INTS6: variants seen among roughly 807,000 people sequenced by gnomAD.
INTS6 encodes the protein integrator complex subunit 6.
A neutral mutation model predicts 104.9 loss-of-function variants in INTS6; 16 were observed. That is an observed-to-expected ratio of 0.15 (90% CI 0.10 to 0.23). INTS6 has a LOEUF of 0.23. Ranked by LOEUF, INTS6 falls within the 10% of genes least tolerant of loss-of-function variation. INTS6 has a pLI of 1.00. For missense variants in INTS6, 584 were observed against 1,062.8 expected, an observed-to-expected ratio of 0.55 and a Z score of 6.26; for synonymous variants, 324 against 358.7, an observed-to-expected ratio of 0.90 and a Z score of 1.09.
At chr13:51,450,583 T>C (rs1953018677) in intron 3 of INTS6, 11 of 985,672 alleles carry the variant, frequency 1.1e-5, no homozygotes, top group Non-Finnish European at 1.2e-5. Context: ...AGAATAGTTA[T>C]ACAACATGGT....
At chr13:51,407,459 A>G (rs1956590357) in intron 4 of INTS6, among the ~76,000 whole-genome samples, 1 of 152,336 alleles carries the variant, frequency 6.6e-6, no homozygotes, top group Non-Finnish European at 1.5e-5. Flanking sequence ...AAGACAAGCT[A>G]GAAAGCTAAC....
chr13:51,361,664 C>G lies in INTS6; in HGVS notation c.*4088G>C. Reference sequence around the variant, plus strand: ...ATGGCATCTTTTCTCTTTAATTTTCCCATCTGCACCCCCATCACAACAGTA... The same window carrying G: ...ATGGCATCTTTTCTCTTTAATTTTCGCATCTGCACCCCCATCACAACAGTA... On this transcript the variant is annotated 3_prime_UTR_variant, in exon 18 of 18. Transcript: ENST00000311234. The G allele has an allele frequency of 1.5e-6, 1 of 679,800 alleles. No individual in the cohort carries two copies. Among genetic ancestry groups the G allele is most frequent in the Non-Finnish European group, 2.4e-6 (1 of 419,370 alleles). 42.1% of individuals were successfully genotyped at this position (679,800 alleles called of 1,614,324 possible).
At chr13:51,450,583 TACA>T in intron 3 of INTS6, 16 of 985,672 alleles carry the variant, frequency 1.6e-5, no homozygotes, top group Non-Finnish European at 1.9e-5. Flanking sequence ...AGAATAGTTA[TACA>T]ACATGGTCAC....
At chr13:51,389,002 A>G (rs926222865) in intron 6 of INTS6, among the ~76,000 whole-genome samples, 7 of 152,342 alleles carry the variant, frequency 4.6e-5, no homozygotes, top group African/African-American at 1.4e-4. Flanking sequence ...GCATAGGAGA[A>G]GCATATATAT....
At chr13:51,421,964 C>T (rs1461842489) in intron 4 of INTS6, among the ~76,000 whole-genome samples, 1 of 151,954 alleles carries the variant, frequency 6.6e-6, no homozygotes, top group African/African-American at 2.4e-5. Context: ...TTCAAACAAA[C>T]TTTAAAAGCT....
chr13:51,382,548 A>C (rs1258039748), intron 9 of INTS6, among the ~76,000 whole-genome samples: 3 of 152,228 alleles, frequency 2.0e-5, no homozygotes, highest in Non-Finnish European at 4.4e-5. Context: ...TGTACCCAGA[A>C]ACTAACTTTA....
At chr13:51,368,390 C>T (rs1955734311) in intron 16 of INTS6, among the ~76,000 whole-genome samples, 2 of 152,092 alleles carry the variant, frequency 1.3e-5, no homozygotes, top group African/African-American at 4.8e-5. Flanking sequence ...TTCTGGACCA[C>T]CCAGGTCATT....
At position 51,387,386 on chromosome 13, in the gene INTS6, T is replaced by C. The variant is rs1166917130; in HGVS notation, c.894A>G (p.Leu298=). 2.5e-6 allele frequency: 4 copies of C among 1,610,064 alleles called. No individual in the cohort carries two copies. In the South Asian group the frequency reaches 3.3e-5, roughly 13 times the overall value. Residue 298 remains leucine (L), a splice_region_variant and synonymous_variant, in exon 7 of 18, where the codon CTA becomes CTG. Transcript: ENST00000311234. ...SFWPDQNSPT[L]PPRTSHPVVK... Reference sequence around the variant, plus strand: ...CATAGTTACAGTCTCTGGTACTTACTAGTGTTGGCGAATTTTGATCTGGCC... The same window carrying C: ...CATAGTTACAGTCTCTGGTACTTACCAGTGTTGGCGAATTTTGATCTGGCC...
At chr13:51,378,982 A>G (rs181444958) in intron 11 of INTS6, among the ~76,000 whole-genome samples, 1 of 152,162 alleles carries the variant, frequency 6.6e-6, no homozygotes, top group East Asian at 1.9e-4. Context: ...GACATTAATA[A>G]TTTCACAGTC....
At chr13:51,441,062 T>C (rs1480832667) in intron 3 of INTS6, 3 of 152,186 alleles carry the variant, frequency 2.0e-5, no homozygotes, top group African/African-American at 4.8e-5. Context: ...AAATATTACT[T>C]CTAATCCTCA....
intron 4 of INTS6, among the ~76,000 whole-genome samples, chr13:51,404,539 T>C (rs1004734254): frequency 3.8e-4 from 58 of 152,048 alleles, no homozygotes; most frequent in Non-Finnish European, 1.2e-4. Context: ...GAAAAACACA[T>C]ATTCCATAAG....
intron 3 of INTS6, chr13:51,447,072 TA>T (rs779829784): frequency 6.6e-5 from 10 of 152,158 alleles, no homozygotes; most frequent in Admixed American, 2.0e-4. Context: ...TTAAAGGAAT[TA>T]AAAAATTTAC....
At chr13:51,380,018 C>T (rs1956015185) in intron 10 of INTS6, among the ~76,000 whole-genome samples, 1 of 152,032 alleles carries the variant, frequency 6.6e-6, no homozygotes, top group South Asian at 2.1e-4. Context: ...CTCTGGCTCT[C>T]TGTGGCTTAG....
chr13:51,375,764 T>TGTGTGTGTGC (rs535927457), intron 13 of INTS6, among the ~76,000 whole-genome samples: 16 of 150,846 alleles, frequency 1.1e-4, no homozygotes, highest in Non-Finnish European at 1.8e-4. Flanking sequence ...TGTGTGTGTG[T>TGTGTGTGTGC]GTGCGCGCGC....
chr13:51,341,866 G>C, the INTS6 span, among the ~76,000 whole-genome samples: 1 of 152,198 alleles, frequency 6.6e-6, no homozygotes, highest in Non-Finnish European at 1.5e-5. Context: ...AAGTGACAGA[G>C]TTGGGACTCA....
chr13:51,357,960 G>C (rs1449413503), downstream of INTS6, among the ~76,000 whole-genome samples: 1 of 152,130 alleles, frequency 6.6e-6, no homozygotes, highest in African/African-American at 2.4e-5. Context: ...GAACAAACCA[G>C]AGTTGTTTGG....
At chr13:51,368,838 A>G (rs766097996) in intron 16 of INTS6, 101 bp downstream of exon 16, 10 of 1,181,284 alleles carry the variant, frequency 8.5e-6, no homozygotes, top group East Asian at 4.7e-5. Context: ...ATCTAGAATC[A>G]TATGTATTCT....
chr13:51,433,597 AGAT>A (rs148478218), intron 3 of INTS6, among the ~76,000 whole-genome samples: 1,735 of 152,386 alleles, frequency 0.011, 26 homozygotes, highest in East Asian at 0.071. Flanking sequence ...AGACTCATAT[AGAT>A]GATGACATCC....
chr13:51,433,604 G>A lies in INTS6; in HGVS notation c.340-3221C>T, dbSNP rs1045151165. Among the ~76,000 whole-genome samples, 7 of 152,090 alleles carry A rather than the reference G, an allele frequency of 4.6e-5. No individual in the cohort carries two copies. In the South Asian group the frequency reaches 1.5e-3, roughly 32 times the overall value. On this transcript the variant is annotated intron_variant, in intron 3 of 17. Transcript: ENST00000311234. ...CATGTAGCAGACTCATATAGATGAT[G>A]ACATCCACCCGAAAGGTAATACTTT... is the stretch of plus-strand genomic sequence containing the variant.
Sources: gnomAD v4.1 joint callset for allele counts (sites outside exome capture counted in the v4.1 genomes callset) on GRCh38, gnomAD v4.1.1 for gene constraint, MANE v1.5 for transcripts, NCBI Gene and HGNC (gene_info 2026-07-23, HGNC 2026-07-21) for gene names.